EDIL3: variants seen among roughly 807,000 people sequenced by gnomAD.
EDIL3 encodes the protein EGF-like repeat and discoidin I-like domain-containing protein 3.
EDIL3 carries 37 observed loss-of-function variants against 67.4 expected under a neutral mutation model. The ratio of observed to expected loss-of-function variants is 0.55; its 90% CI spans 0.42 to 0.72. The LOEUF (loss-of-function observed/expected upper bound fraction) is 0.72. Among genes scored for constraint, EDIL3 ranks in the 30% least tolerant of loss-of-function variants. EDIL3 has a pLI of 0.00. For missense variants in EDIL3, 527 were observed against 586.3 expected (o/e 0.90, Z 1.04); for synonymous variants, 195 against 196.3 (o/e 0.99, Z 0.05).
chr5:84,137,050 A>G (rs575488326), intron 5 of EDIL3, among the ~76,000 whole-genome samples, 191 bp downstream of exon 5: 7 of 152,170 alleles, frequency 4.6e-5, no homozygotes, highest in African/African-American at 1.7e-4. Flanking sequence ...ACATACCACA[A>G]ATATGAAAAG....
chr5:84,367,312 C>T (rs577766403), intron 1 of EDIL3, among the ~76,000 whole-genome samples: 131 of 152,082 alleles, frequency 8.6e-4, no homozygotes, highest in Non-Finnish European at 1.7e-3. Context: ...GCTCTGTCAC[C>T]TCCCAAGCTG....
At chr5:83,993,603 T>G (rs558480607) in intron 9 of EDIL3, among the ~76,000 whole-genome samples, 2 of 152,144 alleles carry the variant, frequency 1.3e-5, no homozygotes, top group Non-Finnish European at 1.5e-5. Flanking sequence ...CAAGGAAAGA[T>G]TGAATAGAAT....
chr5:84,039,739 A>T (rs940878459), intron 9 of EDIL3, among the ~76,000 whole-genome samples: 1 of 152,170 alleles, frequency 6.6e-6, no homozygotes. Flanking sequence ...TTTTAAAAGT[A>T]TAAGTACATC....
intron 1 of EDIL3, among the ~76,000 whole-genome samples, chr5:84,262,293 A>T (rs1745238781): frequency 6.6e-6 from 1 of 152,102 alleles, no homozygotes; most frequent in Admixed American, 6.6e-5. Context: ...CAAATATCTC[A>T]ATTTATTCAA....
intron 1 of EDIL3, among the ~76,000 whole-genome samples, chr5:84,275,350 T>C (rs548033550): frequency 3.9e-5 from 6 of 152,338 alleles, no homozygotes; most frequent in South Asian, 2.1e-4. Flanking sequence ...AACATGATTA[T>C]TGTCAAATGT....
intron 9 of EDIL3, among the ~76,000 whole-genome samples, chr5:83,989,664 G>C (rs1446566786): frequency 1.3e-5 from 2 of 152,172 alleles, no homozygotes; most frequent in Admixed American, 1.3e-4. Flanking sequence ...CAGAGATTGA[G>C]GTGGCTCCCA....
chr5:84,318,111 A>G (rs1746552653), intron 1 of EDIL3, among the ~76,000 whole-genome samples: 1 of 152,216 alleles, frequency 6.6e-6, no homozygotes, highest in Non-Finnish European at 1.5e-5. Flanking sequence ...AGGTATGTGA[A>G]GGACCTCTTC....
At chr5:84,048,143 T>C (rs899062340) in intron 9 of EDIL3, 16 of 360,170 alleles carry the variant, frequency 4.4e-5, no homozygotes, top group Non-Finnish European at 7.5e-5. Context: ...TAGATCTTCT[T>C]TATAGGTGAA....
chr5:84,142,825 C>T lies in EDIL3; in HGVS notation c.356-5471G>A, dbSNP rs575216953. On this transcript the variant is annotated intron_variant, in intron 4 of 10. Transcript: ENST00000296591. ...GGAGACAATGATAGACGGTGCCCCC[C>T]CCCCCAAGCTTTTTTTTCTTTTGCG... Among the ~76,000 whole-genome samples, 4 of 147,064 alleles carry T rather than the reference C, an allele frequency of 2.7e-5. No individual in the cohort carries two copies. In the South Asian group the frequency reaches 9.5e-4, roughly 35 times the overall value.
chr5:84,109,464 C>T (rs1421520638), intron 5 of EDIL3, among the ~76,000 whole-genome samples: 1 of 152,104 alleles, frequency 6.6e-6, no homozygotes, highest in Non-Finnish European at 1.5e-5. Context: ...TGAGATCACA[C>T]CACTGCACTC....
In EDIL3 at chr5:84,370,915, TCATGCATG is replaced by T. The variant is rs550608296; in HGVS notation, c.67+13385_67+13392del. The stretch of plus-strand genomic sequence containing the variant: ...ATGTATATACCAGCAGAGTTGTTCT[TCATGCATG>T]CATGCATGCATGCATAAAGTCAGAA... On this transcript the variant is annotated intron_variant, in intron 1 of 10. Coordinates refer to ENST00000296591, the MANE Select transcript of EDIL3 (RefSeq NM_005711.5). Among the ~76,000 whole-genome samples the T allele has an allele frequency of 2.4e-3, 369 of 152,090 alleles. 1 individual carries two copies. Among genetic ancestry groups the T allele is most frequent in the African/African-American group, 8.2e-3 (340 of 41,500 alleles).
chr5:84,148,514 A>G (rs909015525), intron 4 of EDIL3, among the ~76,000 whole-genome samples: 11 of 152,202 alleles, frequency 7.2e-5, no homozygotes, highest in Non-Finnish European at 5.9e-5. Context: ...TGGCTGATAG[A>G]TCACTGACAT....
At chr5:84,142,017 C>T (rs574986446) in intron 4 of EDIL3, among the ~76,000 whole-genome samples, 2 of 133,476 alleles carry the variant, frequency 1.5e-5, no homozygotes, top group South Asian at 4.9e-4. Flanking sequence ...GCACTCCTCC[C>T]TTAGGCAATT....
At chr5:84,044,560 A>C (rs1018519301) in intron 9 of EDIL3, among the ~76,000 whole-genome samples, 7 of 152,192 alleles carry the variant, frequency 4.6e-5, no homozygotes, top group African/African-American at 1.7e-4. Flanking sequence ...TCAAAGCAGG[A>C]AAAGAAGGTC....
intron 10 of EDIL3, among the ~76,000 whole-genome samples, chr5:83,961,886 C>T (rs1039962444): frequency 2.6e-5 from 4 of 151,280 alleles, no homozygotes; most frequent in African/African-American, 7.3e-5. Context: ...TGTTCATCTA[C>T]GAAAGAATAA....
At chr5:84,127,289 C>T (rs1747885229) in intron 5 of EDIL3, among the ~76,000 whole-genome samples, 1 of 152,054 alleles carries the variant, frequency 6.6e-6, no homozygotes, top group Admixed American at 6.6e-5. Context: ...TTTTATAGAA[C>T]CATATTCCTC....
chr5:84,199,734 C>T (rs953738302), intron 3 of EDIL3, among the ~76,000 whole-genome samples: 6 of 151,996 alleles, frequency 3.9e-5, no homozygotes, highest in Non-Finnish European at 7.4e-5. Context: ...ATTTTTGCAA[C>T]ACAAAGTTTT....
At chr5:84,291,329 C>T (rs770764624) in intron 1 of EDIL3, among the ~76,000 whole-genome samples, 2 of 152,030 alleles carry the variant, frequency 1.3e-5, no homozygotes, top group Non-Finnish European at 2.9e-5. Flanking sequence ...GAATGCACAA[C>T]CGGTTTGCCT....
At chr5:84,029,872 A>G (rs1745886670) in intron 9 of EDIL3, among the ~76,000 whole-genome samples, 1 of 152,220 alleles carries the variant, frequency 6.6e-6, no homozygotes, top group Non-Finnish European at 1.5e-5. Flanking sequence ...CCAGGGAAAG[A>G]TAAATAAGTT....
Sources: allele counts gnomAD v4.1 joint callset (sites outside exome capture counted in the v4.1 genomes callset), GRCh38; gene constraint gnomAD v4.1.1; transcripts MANE v1.5; gene names NCBI Gene and HGNC (gene_info 2026-07-23, HGNC 2026-07-21).